Variants in ALPK2 observed in about 807,000 individuals in gnomAD.
ALPK2 encodes alpha kinase 2.
In ALPK2, 127 loss-of-function variants were observed where a neutral mutation model predicts 163.1. The observed-to-expected ratio is 0.78, with a 90% confidence interval of 0.67 to 0.90. The LOEUF (loss-of-function observed/expected upper bound fraction) is 0.90. ALPK2 is among the 40% of genes least tolerant of loss of function. ALPK2 has a pLI of 0.00. For synonymous variants in ALPK2, 953 were observed against 959.1 expected (o/e 0.99, Z 0.12); for missense variants, 2,360 against 2,589.6 (o/e 0.91, Z 1.92).
chr18:58,521,627 C>CTTTTTTT (rs398033036), intron 8 of ALPK2, among the ~76,000 whole-genome samples: 2,336 of 55,194 alleles, frequency 0.042, 347 homozygotes, highest in African/African-American at 0.095. Context: ...TTCTCTCTCT[C>CTTTTTTT]TTTTTTTTTT....
At chr18:58,527,825 C>T (rs1435526129) in intron 6 of ALPK2, among the ~76,000 whole-genome samples, 4 of 152,162 alleles carry the variant, frequency 2.6e-5, no homozygotes, top group Non-Finnish European at 5.9e-5. Flanking sequence ...GTTAGATGCT[C>T]TGGAGTGATG....
intron 12 of ALPK2, among the ~76,000 whole-genome samples, chr18:58,486,325 C>A (rs963621239): frequency 6.6e-6 from 1 of 152,176 alleles, no homozygotes; most frequent in Non-Finnish European, 1.5e-5. Context: ...ACCTTCGAGC[C>A]CCAGCTCCAG....
intron 3 of ALPK2, among the ~76,000 whole-genome samples, chr18:58,585,283 ATTTAG>A (rs2051979718): frequency 1.3e-5 from 2 of 152,200 alleles, no homozygotes; most frequent in African/African-American, 4.8e-5. Context: ...ATTTTTAACT[ATTTAG>A]TTCATTTTAA....
intron 5 of ALPK2, among the ~76,000 whole-genome samples, chr18:58,530,342 G>A (rs1235321138): frequency 6.6e-6 from 1 of 152,204 alleles, no homozygotes; most frequent in Non-Finnish European, 1.5e-5. Flanking sequence ...AGTATCCTGG[G>A]AGCCAAGTGG....
At chr18:58,486,388 T>A (rs1244576074) in intron 12 of ALPK2, among the ~76,000 whole-genome samples, 1 of 152,160 alleles carries the variant, frequency 6.6e-6, no homozygotes, top group African/African-American at 2.4e-5. Context: ...TCCCTGCATC[T>A]TCTTGAGAAC....
intron 12 of ALPK2, among the ~76,000 whole-genome samples, chr18:58,496,251 G>A (rs746728754): frequency 1.1e-4 from 17 of 152,128 alleles, no homozygotes; most frequent in South Asian, 2.1e-4. Flanking sequence ...ACTGGGTCTC[G>A]CTCTAAATCC....
intron 3 of ALPK2, among the ~76,000 whole-genome samples, chr18:58,592,090 A>G (rs2052017602): frequency 6.6e-6 from 1 of 152,188 alleles, no homozygotes; most frequent in South Asian, 2.1e-4. Flanking sequence ...GGGGATGAGG[A>G]GCAAATGTTC....
At chr18:58,498,638 G>A (rs1001532416) in intron 11 of ALPK2, among the ~76,000 whole-genome samples, 1 of 152,200 alleles carries the variant, frequency 6.6e-6, no homozygotes, top group Non-Finnish European at 1.5e-5. Context: ...TGTGGTGAGA[G>A]GGACCCAGTG....
intron 3 of ALPK2, among the ~76,000 whole-genome samples, chr18:58,604,641 TTACAGGGCTC>T (rs1401048880): frequency 1.3e-5 from 2 of 152,238 alleles, no homozygotes; most frequent in Non-Finnish European, 2.9e-5. Context: ...ACCACATCTA[TTACAGGGCTC>T]TACCAACATT....
chr18:58,484,176 C>A (rs570980828), intron 12 of ALPK2, among the ~76,000 whole-genome samples: 2 of 152,092 alleles, frequency 1.3e-5, no homozygotes, highest in Admixed American at 6.6e-5. Flanking sequence ...GTTCAGAATG[C>A]GTTTTCATTT....
chr18:58,564,123 C>CTGTTTTTTTTT (rs2051838553), intron 4 of ALPK2, among the ~76,000 whole-genome samples: 1 of 102,490 alleles, frequency 9.8e-6, no homozygotes, highest in South Asian at 3.6e-4. Context: ...TGTCTTTGTT[C>CTGTTTTTTTTT]TTTTTTTTTT....
At chr18:58,607,033 A>T (rs2052101664) in intron 3 of ALPK2, among the ~76,000 whole-genome samples, 1 of 152,246 alleles carries the variant, frequency 6.6e-6, no homozygotes, top group Non-Finnish European at 1.5e-5. Flanking sequence ...GATCAAGATG[A>T]AATGAAAAGC....
chr18:58,521,625 C>CTTTTTTTTT (rs1375364902), intron 8 of ALPK2, among the ~76,000 whole-genome samples: 7 of 50,592 alleles, frequency 1.4e-4, no homozygotes, highest in South Asian at 6.7e-4. Flanking sequence ...CTTTCTCTCT[C>CTTTTTTTTT]TCTTTTTTTT....
At chr18:58,600,289 G>T (rs1480281741) in intron 3 of ALPK2, among the ~76,000 whole-genome samples, 2 of 152,104 alleles carry the variant, frequency 1.3e-5, no homozygotes, top group Admixed American at 1.3e-4. Context: ...TGCCTGCCTT[G>T]GCCTCCCAAA....
chr18:58,543,261 T>C (rs2051700346), intron 4 of ALPK2: 13 of 709,086 alleles, frequency 1.8e-5, no homozygotes, highest in Non-Finnish European at 2.1e-5. Context: ...TCTCCAGAGC[T>C]GTAAGAAATA....
chr18:58,535,948 C>T lies in ALPK2; in HGVS notation c.4239G>A (p.Glu1413=), dbSNP rs533016548. The T allele has an allele frequency of 6.2e-7, 1 of 1,614,200 alleles. No homozygotes were observed. The highest frequency in any genetic ancestry group is 1.3e-5 in the African/African-American group (1 of 75,050). ...GCTCTGGTTTTCCAGCCCTGGTGTA[C>T]TCTATCACACTTATCTCATCAATGG... is the stretch of plus-strand genomic sequence containing the variant. ...VDPIDEISVI[E]YTRAGKPEPS... is the part of the protein sequence containing the mutation. The change falls in exon 5 of 13, where the codon GAG becomes GAA. Residue 1413 remains glutamate (E), a synonymous_variant. Transcript: ENST00000361673.
At chr18:58,485,264 T>C (rs753898126) in intron 12 of ALPK2, among the ~76,000 whole-genome samples, 31 of 152,366 alleles carry the variant, frequency 2.0e-4, no homozygotes, top group African/African-American at 5.8e-4. Context: ...GTAGCTGTTA[T>C]GATTCAAGAA....
chr18:58,605,241 G>A (rs188613480), intron 3 of ALPK2, among the ~76,000 whole-genome samples: 2 of 152,258 alleles, frequency 1.3e-5, no homozygotes, highest in South Asian at 2.1e-4. Flanking sequence ...ACACAACTAT[G>A]CTATTTTTTT....
rs762303089 is a variant in ALPK2 at position 58,536,028 on chromosome 18, C to T, written c.4159G>A (p.Ala1387Thr). The T allele has an allele frequency of 4.3e-6, 7 of 1,613,420 alleles. No individual in the cohort carries two copies. Among genetic ancestry groups the T allele is most frequent in the Non-Finnish European group, 5.9e-6 (7 of 1,179,692 alleles). The change falls in exon 5 of 13, where the codon GCC becomes ACC. Residue 1387 changes from alanine (A) to threonine (T), a missense_variant. Ala to Thr is a moderately conservative substitution (Grantham distance 58). Transcript: ENST00000361673. ...EEKQLKMDHT[A>T]FFKKFLTCPK... ...CAGGTCAGAAACTTTTTAAAGAAGG[C>T]AGTGTGATCCATCTTGAGTTGTTTT... is the stretch of plus-strand genomic sequence containing the variant.
Sources: gnomAD v4.1 joint callset for allele counts (sites outside exome capture counted in the v4.1 genomes callset) on GRCh38, gnomAD v4.1.1 for gene constraint, MANE v1.5 for transcripts, NCBI Gene and HGNC (gene_info 2026-07-23, HGNC 2026-07-21) for gene names.